The following PRCC variants were observed in gnomAD, a reference collection of about 807,000 sequenced individuals.
PRCC encodes the protein proline rich mitotic checkpoint control factor, also known as proline-rich protein PRCC.
PRCC carries 10 observed loss-of-function variants against 44.0 expected under a neutral mutation model. The observed-to-expected ratio is 0.23, with a 90% CI of 0.14 to 0.39. The LOEUF (loss-of-function observed/expected upper bound fraction) is 0.39. Among genes scored for constraint, PRCC ranks in the 10% least tolerant of loss-of-function variants. The probability of loss-of-function intolerance (pLI) is 1.00; values close to 1 mark genes in which losing one functional copy is unlikely to be tolerated. For missense variants in PRCC, 573 were observed against 624.7 expected, an observed-to-expected ratio of 0.92 and a Z score of 0.88; for synonymous variants, 278 against 259.5, an observed-to-expected ratio of 1.07 and a Z score of -0.69.
intron 1 of PRCC, among the ~76,000 whole-genome samples, chr1:156,773,782 C>G (rs1460356898): frequency 6.6e-6 from 1 of 152,174 alleles, no homozygotes; most frequent in Non-Finnish European, 1.5e-5. Flanking sequence ...AGTGGAGATT[C>G]AAACAGATAC....
At chr1:156,792,094 G>T in intron 4 of PRCC, among the ~76,000 whole-genome samples, 2 of 112,480 alleles carry the variant, frequency 1.8e-5, no homozygotes, top group Non-Finnish European at 1.9e-5. Flanking sequence ...TAGAGACGGG[G>T]TCTTGCTTGT....
chr1:156,800,750 CCCA>C lies in PRCC; in HGVS notation c.*298_*300del, dbSNP rs904264297. 1.8e-5 allele frequency: 6 copies of C among 334,540 alleles called. No homozygotes were observed. Among genetic ancestry groups the C allele is most frequent in the Non-Finnish European group, 2.8e-5 (5 of 181,276 alleles). 20.7% of individuals were successfully genotyped at this position (334,540 alleles called of 1,614,324 possible). A position where few individuals can be genotyped will look rare whatever the true frequency, so the allele number is the denominator to read the frequency against. ...AGGTGTGATAAAATGTTGAACCCTCCCCACCACCACTTTTTTTTTTTTAAACCA... is the reference window on the plus strand; with the variant it reads ...AGGTGTGATAAAATGTTGAACCCTCCCCACCACTTTTTTTTTTTTAAACCA... On this transcript the variant is annotated 3_prime_UTR_variant, in exon 7 of 7. Coordinates refer to ENST00000271526, the MANE Select transcript of PRCC (RefSeq NM_005973.5).
chr1:156,782,232 C>A, intron 1 of PRCC, 50 bp from the exon 2 acceptor site: 1 of 1,512,388 alleles, frequency 6.6e-7, no homozygotes, highest in Non-Finnish European at 9.1e-7. Flanking sequence ...AATGTGTTTC[C>A]TTTACTGTCC....
intron 1 of PRCC, among the ~76,000 whole-genome samples, chr1:156,772,702 C>G (rs1018283501): frequency 6.6e-6 from 1 of 152,230 alleles, no homozygotes; most frequent in Non-Finnish European, 1.5e-5. Flanking sequence ...AGCTCTGAGA[C>G]AGATTTCACT....
intron 4 of PRCC, among the ~76,000 whole-genome samples, chr1:156,793,725 A>AT (rs1202043925): frequency 6.6e-6 from 1 of 151,788 alleles, no homozygotes; most frequent in African/African-American, 2.4e-5. Flanking sequence ...TTGGAATTTT[A>AT]TTTTTTTAGA....
chr1:156,782,209 A>G (rs183493829), intron 1 of PRCC, 73 bp from the exon 2 acceptor site: 243 of 1,374,636 alleles, frequency 1.8e-4, no homozygotes, highest in Non-Finnish European at 2.2e-4. Flanking sequence ...AACCCTTCAT[A>G]TGTGCTATAT....
chr1:156,769,741 A>G (rs1651558177), intron 1 of PRCC, among the ~76,000 whole-genome samples: 1 of 152,012 alleles, frequency 6.6e-6, no homozygotes, highest in Admixed American at 6.6e-5. Flanking sequence ...CTGGGACTAC[A>G]GGCGCCCGCC....
chr1:156,786,027 G>A (rs999681082), intron 2 of PRCC, among the ~76,000 whole-genome samples: 1 of 152,084 alleles, frequency 6.6e-6, no homozygotes, highest in African/African-American at 2.4e-5. Flanking sequence ...GGTCAGGCTG[G>A]TCTCAAACTC....
intron 4 of PRCC, among the ~76,000 whole-genome samples, chr1:156,793,982 A>T: frequency 1.7e-5 from 2 of 120,852 alleles, no homozygotes; most frequent in African/African-American, 3.2e-5. Context: ...TTGGAGACAG[A>T]GTTTCACTCT....
chr1:156,780,493 C>CA (rs1222242707), intron 1 of PRCC, among the ~76,000 whole-genome samples: 1 of 151,082 alleles, frequency 6.6e-6, no homozygotes, highest in African/African-American at 2.4e-5. Context: ...CTTACTCTGT[C>CA]GCCCAGGGTG....
At chr1:156,771,262 TAGAG>T (rs368555722) in intron 1 of PRCC, among the ~76,000 whole-genome samples, 2 of 151,776 alleles carry the variant, frequency 1.3e-5, no homozygotes, top group Admixed American at 1.3e-4. Context: ...AGAATGGGGC[TAGAG>T]AGAGAGAGGC....
chr1:156,775,231 G>A (rs1651781316), intron 1 of PRCC, among the ~76,000 whole-genome samples: 1 of 152,058 alleles, frequency 6.6e-6, no homozygotes, highest in Non-Finnish European at 1.5e-5. Flanking sequence ...CTGGGCTGCA[G>A]AGGGAGGCTC....
chr1:156,786,528 CTGT>C lies in PRCC; in HGVS notation c.517-75_517-73del, dbSNP rs2102765108. Reference sequence around the variant, plus strand: ...TTTAGGCTAGAGAACTTATCTGTAACTGTTGTTTTTGGTGTTGCTAGTACATAA... The same window carrying C: ...TTTAGGCTAGAGAACTTATCTGTAACTGTTTTTGGTGTTGCTAGTACATAA... On this transcript the variant is annotated intron_variant, in intron 2 of 6. Transcript: ENST00000271526. 15 of 1,395,890 alleles carry C rather than the reference CTGT, an allele frequency of 1.1e-5. No individual in the cohort carries two copies. In the South Asian group the frequency reaches 1.9e-4, roughly 17 times the overall value. 86.5% of individuals were successfully genotyped at this position (1,395,890 alleles called of 1,614,324 possible).
chr1:156,779,148 T>C (rs1651953348), intron 1 of PRCC, among the ~76,000 whole-genome samples: 2 of 92,518 alleles, frequency 2.2e-5, no homozygotes, highest in South Asian at 3.9e-4. Flanking sequence ...TTTTTTTTTT[T>C]TTTTTTTTTT....
At chr1:156,789,571 GA>G (rs1489490646) in intron 3 of PRCC, among the ~76,000 whole-genome samples, 8 of 152,144 alleles carry the variant, frequency 5.3e-5, no homozygotes, top group Non-Finnish European at 8.8e-5. Flanking sequence ...TGGGGCCAAG[GA>G]GGAAAGAAGG....
intron 6 of PRCC, 110 bp from the exon 7 acceptor site, chr1:156,800,264 A>G: frequency 2.0e-6 from 2 of 1,009,970 alleles, no homozygotes; most frequent in Non-Finnish European, 3.0e-6. Context: ...GTTCCCCCAT[A>G]ATCGTTTTGA....
chr1:156,773,384 G>A (rs1651704533), intron 1 of PRCC, among the ~76,000 whole-genome samples: 1 of 152,166 alleles, frequency 6.6e-6, no homozygotes, highest in Non-Finnish European at 1.5e-5. Context: ...CAGTCTCGGG[G>A]TATGTGTGTC....
chr1:156,794,970 C>T (rs1172614900), intron 5 of PRCC, among the ~76,000 whole-genome samples, 162 bp downstream of exon 5: 1 of 152,172 alleles, frequency 6.6e-6, no homozygotes. Flanking sequence ...CTCACAGATA[C>T]AGCTCCTGCC....
chr1:156,767,632 G>A lies in PRCC; in HGVS notation c.-140G>A, dbSNP rs1433285682. 5.0e-6 allele frequency: 4 copies of A among 797,070 alleles called. No individual in the cohort carries two copies. The South Asian group carries it at 5.5e-5, about 11-fold the overall frequency. The allele number at this position is 797,070 out of a possible 1,614,324, so 49.4% of individuals were successfully genotyped here. A position where few individuals can be genotyped will look rare whatever the true frequency, so the allele number is the denominator to read the frequency against. On this transcript the variant is annotated 5_prime_UTR_variant, in exon 1 of 7. Transcript: ENST00000271526. ...AGCCGTAGCCATGAGTTTCTGCCGG[G>A]GCTAGCCCTAGAGTACGGAGCAGGC...
Sources: gnomAD v4.1 joint callset for allele counts (sites outside exome capture counted in the v4.1 genomes callset) on GRCh38, gnomAD v4.1.1 for gene constraint, MANE v1.5 for transcripts, NCBI Gene and HGNC (gene_info 2026-07-23, HGNC 2026-07-21) for gene names.